ADCY1: variants seen among roughly 807,000 people sequenced by gnomAD.
ADCY1 encodes adenylate cyclase 1, also known as adenylate cyclase type 1.
ADCY1 carries 28 observed loss-of-function variants against 105.4 expected under a neutral mutation model. The ratio of observed to expected loss-of-function variants is 0.27; its 90% confidence interval spans 0.20 to 0.36. The LOEUF (loss-of-function observed/expected upper bound fraction) is 0.36. Among genes scored for constraint, ADCY1 ranks in the 10% least tolerant of loss-of-function variants. ADCY1 has a pLI of 1.00. For missense variants in ADCY1, 977 were observed against 1,434.2 expected (o/e 0.68, Z 5.15); for synonymous variants, 655 against 623.8 (o/e 1.05, Z -0.75).
chr7:45,610,845 C>CGGGGAGGT (rs1793546904), intron 3 of ADCY1, among the ~76,000 whole-genome samples: 4 of 98,678 alleles, frequency 4.1e-5, no homozygotes, highest in Admixed American at 9.8e-5. Context: ...GGTGTGGAGG[C>CGGGGAGGT]GATATTGGAG....
At chr7:45,590,129 C>T (rs1002026798) in intron 1 of ADCY1, among the ~76,000 whole-genome samples, 2 of 152,162 alleles carry the variant, frequency 1.3e-5, no homozygotes, top group African/African-American at 2.4e-5. Flanking sequence ...CCAGCCTCCA[C>T]GGGCTGCTAG....
intron 8 of ADCY1, among the ~76,000 whole-genome samples, chr7:45,669,583 G>A (rs945726267): frequency 6.6e-5 from 10 of 152,298 alleles, no homozygotes; most frequent in African/African-American, 2.4e-4. Context: ...GTGTGGTGTG[G>A]TGCTGAGAAG....
At position 45,650,385 on chromosome 7, in the gene ADCY1, C is replaced by T. The variant is rs193194543; in HGVS notation, c.1148+1588C>T. On this transcript the variant is annotated intron_variant, in intron 5 of 19. Coordinates refer to ENST00000297323, the MANE Select transcript of ADCY1 (RefSeq NM_021116.4). ...ATTTGTGTGTATATAGATAATATAT[C>T]ATATCAGATCTGGTTTTGTGTGATC... 6.0e-4 allele frequency among the ~76,000 whole-genome samples: 89 copies of T among 148,018 alleles called. 1 individual carries two copies. Among genetic ancestry groups the T allele is most frequent in the Admixed American group, 3.4e-3 (51 of 15,056 alleles).
intron 14 of ADCY1, among the ~76,000 whole-genome samples, chr7:45,696,990 G>GTAC (rs1784895409): frequency 6.6e-6 from 1 of 152,164 alleles, no homozygotes; most frequent in South Asian, 2.1e-4. Context: ...GGAGGAGGTG[G>GTAC]TATTGGACCA....
At chr7:45,642,720 C>T (rs1423967929) in intron 4 of ADCY1, among the ~76,000 whole-genome samples, 1 of 152,118 alleles carries the variant, frequency 6.6e-6, no homozygotes, top group Non-Finnish European at 1.5e-5. Context: ...GATGGTGGAG[C>T]GGTTATCAGT....
At chr7:45,702,117 T>C (rs1005652616) in intron 14 of ADCY1, among the ~76,000 whole-genome samples, 1 of 152,160 alleles carries the variant, frequency 6.6e-6, no homozygotes, top group African/African-American at 2.4e-5. Context: ...TCCTTAGAAA[T>C]CTCCACTTCT....
intron 3 of ADCY1, among the ~76,000 whole-genome samples, chr7:45,610,845 C>G (rs61367567): frequency 1.5e-4 from 15 of 98,758 alleles, no homozygotes; most frequent in South Asian, 3.5e-4. Context: ...GGTGTGGAGG[C>G]GATATTGGAG....
rs1427010229 is a variant in ADCY1, at chr7:45,626,698, GAA to G, written c.1020+3956_1020+3957del. 2.0e-5 allele frequency among the ~76,000 whole-genome samples: 3 copies of G among 152,214 alleles called. No individual in the cohort carries two copies. The East Asian group carries it at 5.8e-4, about 29-fold the overall frequency. Reference sequence around the variant, plus strand: ...CCCCAGCAACATTTGAGTTTGAGCTGAAGAGAATATTTTCTAGTTTCTAGGAA... The same window carrying G: ...CCCCAGCAACATTTGAGTTTGAGCTGGAGAATATTTTCTAGTTTCTAGGAA... On this transcript the variant is annotated intron_variant, in intron 4 of 19. Transcript: ENST00000297323.
At position 45,721,059 on chromosome 7, in the gene ADCY1, C is replaced by T. The variant is rs1167845798; in HGVS notation, c.*7064C>T. 1.3e-5 allele frequency: 2 copies of T among 152,182 alleles called. No individual in the cohort carries two copies. Among genetic ancestry groups the T allele is most frequent in the South Asian group, 2.1e-4 (1 of 4,824 alleles). 9.4% of individuals were successfully genotyped at this position (152,182 alleles called of 1,614,324 possible). On this transcript the variant is annotated 3_prime_UTR_variant, in exon 20 of 20. Coordinates refer to ENST00000297323, the MANE Select transcript of ADCY1 (RefSeq NM_021116.4). ...GCCTCTTTGCTAACAGCAACATCTG[C>T]AAGATTTGTGTTGGTTTTGATGGAG...
intron 5 of ADCY1, among the ~76,000 whole-genome samples, chr7:45,649,111 A>G (rs945293551): frequency 6.6e-6 from 1 of 152,240 alleles, no homozygotes; most frequent in Non-Finnish European, 1.5e-5. Flanking sequence ...GCTTAGCCAG[A>G]TAAGACATAC....
At chr7:45,657,667 G>A (rs1794978435) in intron 5 of ADCY1, 60 bp from the exon 6 acceptor site, 1 of 1,549,540 alleles carries the variant, frequency 6.5e-7, no homozygotes, top group East Asian at 2.4e-5. Context: ...GCAGACCAAG[G>A]TGGCCCCCTG....
At chr7:45,585,007 C>T (rs1179837751) in intron 1 of ADCY1, among the ~76,000 whole-genome samples, 1 of 152,224 alleles carries the variant, frequency 6.6e-6, no homozygotes, top group East Asian at 1.9e-4. Context: ...TCTGGTTGGT[C>T]ACCTCGGTGT....
intron 2 of ADCY1, among the ~76,000 whole-genome samples, chr7:45,608,455 C>T (rs1260542283): frequency 1.3e-5 from 2 of 152,194 alleles, no homozygotes; most frequent in African/African-American, 4.8e-5. Flanking sequence ...ATAAGGGTCT[C>T]TCTTGTCAGG....
chr7:45,706,607 A>T (rs751850892), intron 17 of ADCY1, among the ~76,000 whole-genome samples: 1 of 152,192 alleles, frequency 6.6e-6, no homozygotes, highest in African/African-American at 2.4e-5. Context: ...AACTTTTAGA[A>T]GATAACATAG....
At chr7:45,662,320 G>T (rs1795127528) in intron 8 of ADCY1, 106 bp downstream of exon 8, 1 of 1,235,754 alleles carries the variant, frequency 8.1e-7, no homozygotes, top group African/African-American at 1.5e-5. Context: ...AGAATTCCCT[G>T]TTCACATGTG....
At chr7:45,640,609 C>G (rs1308263495) in intron 4 of ADCY1, among the ~76,000 whole-genome samples, 1 of 152,154 alleles carries the variant, frequency 6.6e-6, no homozygotes, top group Non-Finnish European at 1.5e-5. Flanking sequence ...AAATTTAGGA[C>G]AAAGATTGGC....
intron 8 of ADCY1, chr7:45,664,467 C>A: frequency 6.6e-7 from 1 of 1,514,846 alleles, no homozygotes; most frequent in Non-Finnish European, 8.8e-7. Context: ...CACGCCAGCT[C>A]TGTTCTTCTC....
rs116796565 is a variant in ADCY1 at position 45,721,880 on chromosome 7, T to C, written c.*7885T>C. Reference sequence around the variant, plus strand: ...TTTCAAAAGAGCTTTCAGGCACTTATTGAGAATTAATGTTTAAACAGACAT... The same window carrying C: ...TTTCAAAAGAGCTTTCAGGCACTTACTGAGAATTAATGTTTAAACAGACAT... On this transcript the variant is annotated 3_prime_UTR_variant, in exon 20 of 20. Transcript: ENST00000297323. 675 of 398,654 alleles carry C rather than the reference T, an allele frequency of 1.7e-3. 3 individuals carry two copies. The highest frequency in any genetic ancestry group is 0.012 in the African/African-American group (584 of 48,746). 24.7% of individuals were successfully genotyped at this position (398,654 alleles called of 1,614,324 possible). A position where few individuals can be genotyped will look rare whatever the true frequency, so the allele number is the denominator to read the frequency against.
intron 5 of ADCY1, among the ~76,000 whole-genome samples, chr7:45,655,538 T>A (rs1421096244): frequency 6.6e-6 from 1 of 152,050 alleles, no homozygotes; most frequent in Non-Finnish European, 1.5e-5. Context: ...CCAAGAGGAG[T>A]CACTATGAGA....
Sources: gnomAD v4.1 joint callset for allele counts (sites outside exome capture counted in the v4.1 genomes callset) on GRCh38, gnomAD v4.1.1 for gene constraint, MANE v1.5 for transcripts, NCBI Gene and HGNC (gene_info 2026-07-23, HGNC 2026-07-21) for gene names.